The following FOXP1 variants were observed in gnomAD, a reference collection of about 807,000 sequenced individuals.
FOXP1 encodes the protein forkhead box protein P1.
In FOXP1, 15 loss-of-function variants were observed where a neutral mutation model predicts 98.2. The ratio of observed to expected loss-of-function variants is 0.15; its 90% CI spans 0.10 to 0.24. FOXP1 has a LOEUF of 0.24. Ranked by LOEUF, FOXP1 falls within the 10% of genes least tolerant of loss-of-function variation. The pLI, the probability that FOXP1 is intolerant of heterozygous loss-of-function variation, is 1.00. For synonymous variants in FOXP1, 371 were observed against 314.5 expected, an observed-to-expected ratio of 1.18 and a Z score of -1.90; for missense variants, 633 against 848.5, an observed-to-expected ratio of 0.75 and a Z score of 3.15.
chr3:71,205,441 T>C (rs551646630), intron 5 of FOXP1, among the ~76,000 whole-genome samples: 2 of 152,260 alleles, frequency 1.3e-5, no homozygotes, highest in South Asian at 4.1e-4. Context: ...TCTTTAAAAA[T>C]CTGGAATTTC....
chr3:71,513,960 T>A (rs1471408332), intron 2 of FOXP1, among the ~76,000 whole-genome samples: 2 of 152,220 alleles, frequency 1.3e-5, no homozygotes, highest in African/African-American at 2.4e-5. Context: ...CTAATAAAAC[T>A]ATGTCTAATA....
At chr3:71,436,432 G>A (rs2085363075) in intron 3 of FOXP1, among the ~76,000 whole-genome samples, 2 of 151,952 alleles carry the variant, frequency 1.3e-5, no homozygotes, top group South Asian at 4.1e-4. Flanking sequence ...GCTGGCCCTG[G>A]TGGTGATGAG....
At chr3:71,319,917 T>G (rs189307608) in intron 4 of FOXP1, among the ~76,000 whole-genome samples, 1 of 152,200 alleles carries the variant, frequency 6.6e-6, no homozygotes, top group East Asian at 1.9e-4. Context: ...GGAGGCACAT[T>G]TGACTCCTCC....
chr3:71,580,503 A>C (rs747895947), intron 2 of FOXP1, among the ~76,000 whole-genome samples: 6 of 152,210 alleles, frequency 3.9e-5, no homozygotes, highest in Non-Finnish European at 8.8e-5. Context: ...CTCCAGTGGA[A>C]TTCTAAAAAA....
chr3:71,287,722 G>C (rs1424311495), intron 5 of FOXP1, among the ~76,000 whole-genome samples: 3 of 151,928 alleles, frequency 2.0e-5, no homozygotes, highest in Non-Finnish European at 4.4e-5. Context: ...GGAGGTTGCA[G>C]TGAGCTGAGG....
intron 6 of FOXP1, among the ~76,000 whole-genome samples, chr3:71,140,583 A>T (rs897843289): frequency 8.5e-5 from 13 of 152,240 alleles, no homozygotes; most frequent in African/African-American, 3.1e-4. Flanking sequence ...ACTTTATGTC[A>T]GGCATTTGTA....
intron 6 of FOXP1, among the ~76,000 whole-genome samples, chr3:71,123,304 G>A (rs1559976628): frequency 1.3e-5 from 2 of 152,140 alleles, no homozygotes; most frequent in Non-Finnish European, 2.9e-5. Flanking sequence ...CTCCAAGCAG[G>A]CGGACAGGAA....
chr3:71,564,385 A>T (rs1040168318), intron 2 of FOXP1, among the ~76,000 whole-genome samples: 1 of 152,242 alleles, frequency 6.6e-6, no homozygotes, highest in Non-Finnish European at 1.5e-5. Flanking sequence ...GTCACATTCC[A>T]CATGGATTAT....
At chr3:71,547,295 C>A (rs896764028) in intron 2 of FOXP1, among the ~76,000 whole-genome samples, 2 of 152,180 alleles carry the variant, frequency 1.3e-5, no homozygotes, top group Non-Finnish European at 2.9e-5. Context: ...CCCCAACCAC[C>A]AGATCAAGGA....
At chr3:71,128,196 C>A (rs968661970) in intron 6 of FOXP1, among the ~76,000 whole-genome samples, 4 of 151,760 alleles carry the variant, frequency 2.6e-5, no homozygotes, top group Non-Finnish European at 5.9e-5. Context: ...GAAGCCCCTA[C>A]AGAAAATCAT....
chr3:71,298,249 G>A (rs1185559192), intron 5 of FOXP1, among the ~76,000 whole-genome samples: 2 of 152,000 alleles, frequency 1.3e-5, no homozygotes, highest in African/African-American at 2.4e-5. Flanking sequence ...GGCGGATCAC[G>A]AGGTCAGGAG....
At chr3:71,500,472 T>TA (rs2107170151) in intron 2 of FOXP1, among the ~76,000 whole-genome samples, 1 of 152,264 alleles carries the variant, frequency 6.6e-6, no homozygotes, top group African/African-American at 2.4e-5. Flanking sequence ...GGGGATGAGA[T>TA]AGACCATCAT....
chr3:71,126,551 C>T (rs1310348337), intron 6 of FOXP1, among the ~76,000 whole-genome samples: 3 of 149,644 alleles, frequency 2.0e-5, no homozygotes, highest in African/African-American at 4.9e-5. Context: ...GGGCCAAGCA[C>T]TGTGGCTCAC....
rs185860416 is a variant in FOXP1 at position 71,184,448 on chromosome 3, G to A, written c.180+13754C>T. On this transcript the variant is annotated intron_variant, in intron 6 of 20. Transcript: ENST00000649528. Reference sequence around the variant, plus strand: ...TTCTGTAGTTAGAAGAATTTCAAGAGTGTGTAAATCTGGTGTTTACATTTC... The same window carrying A: ...TTCTGTAGTTAGAAGAATTTCAAGAATGTGTAAATCTGGTGTTTACATTTC... 2.0e-5 allele frequency among the ~76,000 whole-genome samples: 3 copies of A among 152,290 alleles called. No homozygotes were observed. The East Asian group carries it at 5.8e-4, about 29-fold the overall frequency.
At chr3:71,443,038 T>G (rs2086090479) in intron 3 of FOXP1, among the ~76,000 whole-genome samples, 1 of 152,170 alleles carries the variant, frequency 6.6e-6, no homozygotes, top group African/African-American at 2.4e-5. Flanking sequence ...ATTACAGGCA[T>G]GTACCACCAC....
chr3:71,209,327 T>C (rs941275082), intron 5 of FOXP1, among the ~76,000 whole-genome samples: 1 of 152,224 alleles, frequency 6.6e-6, no homozygotes. Context: ...CATCTTCTTT[T>C]ATCAATGAAA....
intron 5 of FOXP1, among the ~76,000 whole-genome samples, chr3:71,240,007 G>C (rs1196027531): frequency 4.6e-5 from 7 of 152,214 alleles, no homozygotes; most frequent in African/African-American, 1.7e-4. Context: ...AGAACTTTGG[G>C]TCAGGGGATG....
chr3:70,964,865 A>G lies in FOXP1; in HGVS notation c.1889+1025T>C, dbSNP rs548254958. Among the ~76,000 whole-genome samples, 3 of 152,372 alleles carry G rather than the reference A, an allele frequency of 2.0e-5. No individual in the cohort carries two copies. The East Asian group carries it at 5.8e-4, about 29-fold the overall frequency. On this transcript the variant is annotated intron_variant, in intron 20 of 20. Coordinates refer to ENST00000649528, the MANE Select transcript of FOXP1 (RefSeq NM_001349338.3). ...CGTACCCTCCAAATTATGCTGGCAG[A>G]TAACACTTTTTTCTTTGTCATTAGA...
chr3:71,210,661 G>C (rs1220159907), intron 5 of FOXP1, among the ~76,000 whole-genome samples: 2 of 152,180 alleles, frequency 1.3e-5, no homozygotes, highest in African/African-American at 2.4e-5. Context: ...CTAATGTTTT[G>C]AGAACAGAAC....
Sources: allele counts gnomAD v4.1 joint callset (sites outside exome capture counted in the v4.1 genomes callset), GRCh38; gene constraint gnomAD v4.1.1; transcripts MANE v1.5; gene names NCBI Gene and HGNC (gene_info 2026-07-23, HGNC 2026-07-21).